Variants in MCC observed in about 807,000 individuals in gnomAD.
The protein encoded by MCC is MCC regulator of Wnt signaling pathway.
A neutral mutation model predicts 116.2 loss-of-function variants in MCC; 90 were observed. The ratio of observed to expected loss-of-function variants is 0.77; its 90% CI spans 0.65 to 0.92. The LOEUF (loss-of-function observed/expected upper bound fraction) is 0.92. MCC is among the 40% of genes least tolerant of loss of function. The probability of loss-of-function intolerance (pLI) is 0.00; values close to 1 mark genes in which losing one functional copy is unlikely to be tolerated. For synonymous variants in MCC, 578 were observed against 510.5 expected (o/e 1.13, Z -1.78); for missense variants, 1,516 against 1,312.2 (o/e 1.16, Z -2.40).
At chr5:113,312,089 G>A (rs1264187039) in intron 3 of MCC, among the ~76,000 whole-genome samples, 1 of 151,932 alleles carries the variant, frequency 6.6e-6, no homozygotes, top group Admixed American at 6.6e-5. Context: ...CTGGCTGACA[G>A]AGCGAGACTC....
At chr5:113,099,899 C>G (rs941496047) in intron 8 of MCC, among the ~76,000 whole-genome samples, 2 of 152,240 alleles carry the variant, frequency 1.3e-5, no homozygotes, top group African/African-American at 2.4e-5. Flanking sequence ...CATGCACCAT[C>G]AGAATGCACA....
At chr5:113,334,770 T>G (rs1463379781) in intron 3 of MCC, among the ~76,000 whole-genome samples, 1 of 151,014 alleles carries the variant, frequency 6.6e-6, no homozygotes, top group Non-Finnish European at 1.5e-5. Flanking sequence ...TTTGTATTTT[T>G]AGTAGAGATG....
intron 1 of MCC, among the ~76,000 whole-genome samples, chr5:113,400,272 G>A (rs1204568368): frequency 1.3e-5 from 2 of 151,764 alleles, no homozygotes; most frequent in African/African-American, 2.4e-5. Context: ...GCAGGCGCCC[G>A]CCACTATGCC....
chr5:113,094,038 A>G (rs1478081206), intron 8 of MCC, among the ~76,000 whole-genome samples: 1 of 152,196 alleles, frequency 6.6e-6, no homozygotes, highest in African/African-American at 2.4e-5. Flanking sequence ...GTCCCTGTGT[A>G]GTTTTTGGAA....
chr5:113,260,743 T>C (rs902081680), intron 3 of MCC, among the ~76,000 whole-genome samples: 1 of 151,658 alleles, frequency 6.6e-6, no homozygotes, highest in Non-Finnish European at 1.5e-5. Context: ...GCCTACACAT[T>C]TTTTTTTAGA....
intron 6 of MCC, among the ~76,000 whole-genome samples, chr5:113,105,513 C>A (rs1756677418): frequency 6.6e-6 from 1 of 152,204 alleles, no homozygotes; most frequent in Non-Finnish European, 1.5e-5. Flanking sequence ...ACTTCTCAAA[C>A]CTGTTCCTCC....
chr5:113,296,296 G>C (rs778203695), intron 3 of MCC, among the ~76,000 whole-genome samples: 5 of 152,166 alleles, frequency 3.3e-5, no homozygotes, highest in Non-Finnish European at 7.3e-5. Context: ...CCCCTGCCCT[G>C]AAGGTGTTTA....
At chr5:113,187,064 T>C (rs1406171577) in intron 3 of MCC, among the ~76,000 whole-genome samples, 1 of 152,204 alleles carries the variant, frequency 6.6e-6, no homozygotes, top group African/African-American at 2.4e-5. Context: ...CAGGATACTT[T>C]GAGGCTCCTC....
chr5:113,461,190 G>A (rs1771732188), intron 1 of MCC, among the ~76,000 whole-genome samples: 1 of 152,116 alleles, frequency 6.6e-6, no homozygotes, highest in Non-Finnish European at 1.5e-5. Context: ...GAGCTCAAGA[G>A]TTCAAGGCTG....
chr5:113,410,407 C>T (rs1016639090), intron 1 of MCC, among the ~76,000 whole-genome samples: 9 of 152,056 alleles, frequency 5.9e-5, no homozygotes, highest in African/African-American at 1.7e-4. Context: ...TATAAAAGTG[C>T]TGTGATAAAC....
chr5:113,076,536 CA>C (rs1754469567), intron 11 of MCC, among the ~76,000 whole-genome samples: 1 of 152,144 alleles, frequency 6.6e-6, no homozygotes, highest in Non-Finnish European at 1.5e-5. Flanking sequence ...ATTTTCAACC[CA>C]GAATTTCATA....
rs1188102694 is a variant in MCC at position 113,384,884 on chromosome 5, T to C, written c.415+84A>G. 2.0e-6 allele frequency: 3 copies of C among 1,512,150 alleles called. No individual in the cohort carries two copies. The African/African-American group carries it at 4.1e-5, about 21-fold the overall frequency. 93.7% of individuals were successfully genotyped at this position (1,512,150 alleles called of 1,614,324 possible). A position where few individuals can be genotyped will look rare whatever the true frequency, so the allele number is the denominator to read the frequency against. ...AGTATGAGCTGAGGCTGTGGCCTCATGATGGGGAGGCTACTCTCATTTAAT... is the reference window on the plus strand; with the variant it reads ...AGTATGAGCTGAGGCTGTGGCCTCACGATGGGGAGGCTACTCTCATTTAAT... On this transcript the variant is annotated intron_variant, in intron 2 of 18. Coordinates refer to ENST00000408903, the MANE Select transcript of MCC (RefSeq NM_001085377.2).
chr5:113,200,826 A>C (rs1762640144), intron 3 of MCC, among the ~76,000 whole-genome samples: 1 of 152,168 alleles, frequency 6.6e-6, no homozygotes, highest in African/African-American at 2.4e-5. Flanking sequence ...GCCTGAAGAC[A>C]CCTCATCTTG....
chr5:113,233,061 A>G (rs1384028621), intron 3 of MCC, among the ~76,000 whole-genome samples: 1 of 149,166 alleles, frequency 6.7e-6, no homozygotes, highest in Non-Finnish European at 1.5e-5. Flanking sequence ...CAAAGCAGCC[A>G]GCAGGCAGGC....
chr5:113,172,844 C>T (rs1004254735), intron 3 of MCC, among the ~76,000 whole-genome samples: 2 of 152,146 alleles, frequency 1.3e-5, no homozygotes, highest in Middle Eastern at 3.2e-3. Context: ...ATCTATTTCA[C>T]TTTACTCCTA....
At chr5:113,465,629 A>C (rs1479342068) in intron 1 of MCC, among the ~76,000 whole-genome samples, 2 of 152,218 alleles carry the variant, frequency 1.3e-5, no homozygotes, top group Non-Finnish European at 2.9e-5. Flanking sequence ...ACAAAAGATT[A>C]GGATCTCTAA....
intron 3 of MCC, among the ~76,000 whole-genome samples, chr5:113,287,537 G>A (rs934940961): frequency 1.3e-5 from 2 of 152,070 alleles, no homozygotes; most frequent in Admixed American, 6.6e-5. Flanking sequence ...ATCTTGGCCA[G>A]GCTGGTCTTG....
chr5:113,058,627 C>A (rs1246326959), intron 14 of MCC, among the ~76,000 whole-genome samples: 2 of 152,184 alleles, frequency 1.3e-5, no homozygotes, highest in Non-Finnish European at 2.9e-5. Context: ...GTGTCAGGGT[C>A]TACGAGCAGG....
At chr5:113,281,967 T>C (rs2150357458) in intron 3 of MCC, among the ~76,000 whole-genome samples, 1 of 152,338 alleles carries the variant, frequency 6.6e-6, no homozygotes, top group South Asian at 2.1e-4. Flanking sequence ...ATGTATTTAC[T>C]AGGCACTGTG....
Sources: allele counts gnomAD v4.1 joint callset (sites outside exome capture counted in the v4.1 genomes callset), GRCh38; gene constraint gnomAD v4.1.1; transcripts MANE v1.5; gene names NCBI Gene and HGNC (gene_info 2026-07-23, HGNC 2026-07-21).